The following PLD5 variants were observed in gnomAD, a reference collection of about 807,000 sequenced individuals.
PLD5 encodes the protein inactive phospholipase D5.
A neutral mutation model predicts 61.1 loss-of-function variants in PLD5; 36 were observed. The ratio of observed to expected loss-of-function variants is 0.59; its 90% CI spans 0.45 to 0.78. The LOEUF is 0.78. PLD5 is among the 30% of genes least tolerant of loss of function. The pLI is 0.00. For synonymous variants in PLD5, 243 were observed against 242.8 expected, an observed-to-expected ratio of 1.00 and a Z score of -0.01; for missense variants, 515 against 644.4, an observed-to-expected ratio of 0.80 and a Z score of 2.17.
chr1:242,226,254 T>G (rs572767957), intron 4 of PLD5, among the ~76,000 whole-genome samples: 22 of 152,196 alleles, frequency 1.4e-4, no homozygotes, highest in Non-Finnish European at 2.5e-4. Context: ...CCTGACCCAT[T>G]GCCCAGAGAT....
intron 4 of PLD5, among the ~76,000 whole-genome samples, chr1:242,249,769 G>A (rs1672598798): frequency 6.6e-6 from 1 of 152,136 alleles, no homozygotes; most frequent in East Asian, 1.9e-4. Flanking sequence ...GATCTCCATT[G>A]GAGCTTATTA....
intron 1 of PLD5, among the ~76,000 whole-genome samples, chr1:242,458,277 T>C (rs925255535): frequency 6.6e-6 from 1 of 152,280 alleles, no homozygotes; most frequent in African/African-American, 2.4e-5. Flanking sequence ...GGAACTGTGT[T>C]ATTTAATTCT....
chr1:242,452,076 G>C (rs1294736688), intron 1 of PLD5, among the ~76,000 whole-genome samples: 1 of 152,144 alleles, frequency 6.6e-6, no homozygotes, highest in East Asian at 1.9e-4. Context: ...ATGGCAAGCT[G>C]AAGGCTAGAA....
chr1:242,434,505 G>A (rs1665888224), intron 1 of PLD5, among the ~76,000 whole-genome samples: 1 of 152,218 alleles, frequency 6.6e-6, no homozygotes, highest in Admixed American at 6.5e-5. Context: ...AGATGCTGGG[G>A]AGGGGGATAC....
intron 4 of PLD5, among the ~76,000 whole-genome samples, chr1:242,230,816 A>G (rs189490022): frequency 6.6e-6 from 1 of 152,328 alleles, no homozygotes; most frequent in Admixed American, 6.5e-5. Context: ...GGTTGCTTTG[A>G]TGCTTCATTT....
At chr1:242,207,787 TATTTA>T (rs1669439820) in intron 5 of PLD5, among the ~76,000 whole-genome samples, 1 of 95,656 alleles carries the variant, frequency 1.0e-5, no homozygotes, top group African/African-American at 4.8e-5. Flanking sequence ...TATATATTTA[TATTTA>T]TATATATTTA....
intron 1 of PLD5, among the ~76,000 whole-genome samples, chr1:242,500,045 T>C (rs748037229): frequency 1.3e-5 from 2 of 152,164 alleles, no homozygotes; most frequent in African/African-American, 2.4e-5. Context: ...GTCATACTTA[T>C]AGTGTGGCTC....
chr1:242,256,474 G>A lies in PLD5; in HGVS notation c.607+8863C>T, dbSNP rs1439840527. On this transcript the variant is annotated intron_variant, in intron 4 of 9. Coordinates refer to ENST00000536534, the MANE Select transcript of PLD5 (RefSeq NM_001372062.1). This position sits in a 1 kb window ranked among gnomAD's most constrained non-coding sequence, Gnocchi z 5.7. ...AAAGTGACTGAGTCACGAATGTATT[G>A]GTGTCTTGTAGCGGGGGTTGAAAGG... 6.6e-6 allele frequency among the ~76,000 whole-genome samples: 1 copy of A among 152,142 alleles called. No individual in the cohort carries two copies.
rs117882259 is a variant in PLD5 at position 242,146,288 on chromosome 1, A to G, written c.736-21623T>C. On this transcript the variant is annotated intron_variant, in intron 5 of 9. Transcript: ENST00000536534. ...CACTCAGTTTTTAGCAATTCAGTAG[A>G]CTTCACTTCCTGATTCCAAATGACC... Among the ~76,000 whole-genome samples the G allele has an allele frequency of 4.5e-4, 68 of 152,322 alleles. No individual in the cohort carries two copies. The East Asian group carries it at 9.8e-3, about 22-fold the overall frequency.
At chr1:242,171,942 T>C (rs571596413) in intron 5 of PLD5, among the ~76,000 whole-genome samples, 7 of 152,252 alleles carry the variant, frequency 4.6e-5, no homozygotes, top group South Asian at 4.2e-4. Context: ...CACACAATAA[T>C]AGTGGGAGAC....
intron 4 of PLD5, among the ~76,000 whole-genome samples, chr1:242,251,933 T>G (rs572559750): frequency 1.4e-4 from 22 of 152,262 alleles, no homozygotes; most frequent in African/African-American, 5.1e-4. Flanking sequence ...GATAGAGCAC[T>G]GTGATGGGAG....
At chr1:242,237,349 G>A (rs1260434041) in intron 4 of PLD5, among the ~76,000 whole-genome samples, 2 of 152,126 alleles carry the variant, frequency 1.3e-5, no homozygotes, top group African/African-American at 4.8e-5. Context: ...GTTGGTAGAG[G>A]AAAGAATAAG....
chr1:242,113,812 C>G, intron 7 of PLD5, 78 bp downstream of exon 7: 1 of 1,478,384 alleles, frequency 6.8e-7, no homozygotes, highest in Non-Finnish European at 9.1e-7. Context: ...CATTTCCAGG[C>G]TGGCTTCTCC....
chr1:242,135,625 G>C (rs577893292), intron 5 of PLD5, among the ~76,000 whole-genome samples: 1 of 151,956 alleles, frequency 6.6e-6, no homozygotes, highest in African/African-American at 2.4e-5. Flanking sequence ...GAGGTATAAA[G>C]TTATCTTCAC....
intron 4 of PLD5, among the ~76,000 whole-genome samples, chr1:242,240,728 C>T (rs920247395): frequency 6.6e-6 from 1 of 152,086 alleles, no homozygotes; most frequent in Non-Finnish European, 1.5e-5. Context: ...GGCAGCAGGA[C>T]GTACAGAGCT....
intron 1 of PLD5, among the ~76,000 whole-genome samples, chr1:242,358,955 G>A (rs963642888): frequency 1.3e-5 from 2 of 152,092 alleles, no homozygotes; most frequent in Non-Finnish European, 2.9e-5. Flanking sequence ...TCCCTGAGGA[G>A]CTCCCAGGGG....
intron 1 of PLD5, among the ~76,000 whole-genome samples, chr1:242,462,641 ACT>A (rs771083064): frequency 1.3e-5 from 2 of 150,812 alleles, no homozygotes; most frequent in Middle Eastern, 3.2e-3. Context: ...AAGAAAAATG[ACT>A]CTCCCCTGGA....
At position 242,088,075 on chromosome 1, in the gene PLD5, A is replaced by G. The variant is rs986613029; in HGVS notation, c.*1779T>C. On this transcript the variant is annotated 3_prime_UTR_variant, in exon 10 of 10. Coordinates refer to ENST00000536534, the MANE Select transcript of PLD5 (RefSeq NM_001372062.1). Reference sequence around the variant, plus strand: ...CTATATTAAGTAAATCCATTGGATAAGATTCACAGGCTCCTCGATCACTCT... The same window carrying G: ...CTATATTAAGTAAATCCATTGGATAGGATTCACAGGCTCCTCGATCACTCT... 2.6e-5 allele frequency: 4 copies of G among 152,230 alleles called. No homozygotes were observed. Among genetic ancestry groups the G allele is most frequent in the African/African-American group, 9.6e-5 (4 of 41,462 alleles). 9.4% of individuals were successfully genotyped at this position (152,230 alleles called of 1,614,324 possible). A position where few individuals can be genotyped will look rare whatever the true frequency, so the allele number is the denominator to read the frequency against.
intron 1 of PLD5, among the ~76,000 whole-genome samples, chr1:242,409,009 G>C (rs941172658): frequency 6.6e-6 from 1 of 151,986 alleles, no homozygotes; most frequent in Non-Finnish European, 1.5e-5. Context: ...GAAGGTGGCA[G>C]TGAGCCAAGA....
Sources: gnomAD v4.1 joint callset for allele counts (sites outside exome capture counted in the v4.1 genomes callset) on GRCh38, gnomAD v4.1.1 for gene constraint, Gnocchi (gnomAD v3.1) non-coding constraint, MANE v1.5 for transcripts, NCBI Gene and HGNC (gene_info 2026-07-23, HGNC 2026-07-21) for gene names.